Variants in ATF7IP2 observed in about 807,000 individuals in gnomAD.
ATF7IP2 encodes activating transcription factor 7 interacting protein 2, also known as activating transcription factor 7-interacting protein 2.
ATF7IP2 carries 42 observed loss-of-function variants against 64.2 expected under a neutral mutation model. That is an observed-to-expected ratio of 0.65 (90% CI 0.51 to 0.85). The LOEUF (loss-of-function observed/expected upper bound fraction) is 0.85, where lower values mean the gene tolerates loss of function less well. ATF7IP2 is among the 40% of genes least tolerant of loss of function. The pLI is 0.00. For synonymous variants in ATF7IP2, 308 were observed against 272.8 expected (o/e 1.13, Z -1.27); for missense variants, 933 against 784.2 (o/e 1.19, Z -2.27).
chr16:10,458,570 G>T (rs1352161692), intron 9 of ATF7IP2, among the ~76,000 whole-genome samples: 1 of 152,140 alleles, frequency 6.6e-6, no homozygotes, highest in Non-Finnish European at 1.5e-5. Context: ...TGTGCGGATA[G>T]GTGTAACAAA....
chr16:10,462,646 A>G (rs186792308), intron 9 of ATF7IP2, among the ~76,000 whole-genome samples: 68 of 152,194 alleles, frequency 4.5e-4, no homozygotes, highest in Admixed American at 1.4e-3. Flanking sequence ...ATATACTATA[A>G]GATGTTAGGT....
intron 3 of ATF7IP2, among the ~76,000 whole-genome samples, chr16:10,427,206 C>T (rs986258992): frequency 6.6e-6 from 1 of 152,142 alleles, no homozygotes; most frequent in Non-Finnish European, 1.5e-5. Context: ...AGAGGAAAGA[C>T]ACCCCAAGAA....
rs140459444 is a variant in ATF7IP2, at chr16:10,414,627, TTGTGTGTGTGTGTGTG to T, written c.-203+35_-203+50del. On this transcript the variant is annotated intron_variant, in intron 2 of 13. Coordinates refer to ENST00000562102, the MANE Select transcript of ATF7IP2 (RefSeq NM_001393719.1). ...ATCCACTGCTGGTGAGCTAGTGTGA[TTGTGTGTGTGTGTGTG>T]TGTGTGTGTGTGTGTGTGTTTGGGC... The T allele has an allele frequency of 4.2e-5, 4 of 94,782 alleles. No homozygotes were observed. The highest frequency in any genetic ancestry group is 1.0e-4 in the African/African-American group (2 of 19,226). 5.9% of individuals were successfully genotyped at this position (94,782 alleles called of 1,614,324 possible). A position where few individuals can be genotyped will look rare whatever the true frequency, so the allele number is the denominator to read the frequency against.
At chr16:10,430,584 A>C (rs1173409147) in intron 4 of ATF7IP2, 27 bp from the exon 5 acceptor site, 2 of 1,440,358 alleles carry the variant, frequency 1.4e-6, no homozygotes, top group African/African-American at 2.9e-5. Context: ...AGAGAAATGC[A>C]TTTAAATATG....
intron 1 of ATF7IP2, among the ~76,000 whole-genome samples, chr16:10,390,314 T>G (rs1026704746): frequency 2.6e-5 from 4 of 152,172 alleles, no homozygotes; most frequent in African/African-American, 7.2e-5. Context: ...ACAGGAAATA[T>G]GTTATTGCTT....
At chr16:10,434,333 C>T (rs1272735882) in intron 6 of ATF7IP2, among the ~76,000 whole-genome samples, 1 of 152,084 alleles carries the variant, frequency 6.6e-6, no homozygotes, top group Non-Finnish European at 1.5e-5. Context: ...CCATGTTTTC[C>T]TATTTCACTA....
chr16:10,421,954 A>G (rs535419965), intron 3 of ATF7IP2, among the ~76,000 whole-genome samples: 1 of 152,354 alleles, frequency 6.6e-6, no homozygotes, highest in Non-Finnish European at 1.5e-5. Context: ...ATCTATGACT[A>G]TTAAAGGCCA....
rs749296875 is a variant in ATF7IP2 at position 10,438,109 on chromosome 16, T to G, written c.969T>G (p.His323Gln). 1.1e-5 allele frequency: 17 copies of G among 1,545,886 alleles called. No homozygotes were observed. Among genetic ancestry groups the G allele is most frequent in the Admixed American group, 2.2e-5 (1 of 46,370 alleles). The change falls in exon 7 of 14, where the codon CAT becomes CAG. Residue 323 changes from histidine (H) to glutamine (Q), a missense_variant. Coordinates refer to ENST00000562102, the MANE Select transcript of ATF7IP2 (RefSeq NM_001393719.1). ...TTATTTTAAAATTCTAGGTCAGACA[T>G]TTGATTCAGCAGGAGATCTATAGCA... ...RQTAFLEQVR[H>Q]LIQQEIYSIN...
chr16:10,396,964 G>A (rs1008226797), intron 1 of ATF7IP2, among the ~76,000 whole-genome samples: 15 of 152,148 alleles, frequency 9.9e-5, no homozygotes, highest in Non-Finnish European at 2.1e-4. Context: ...ACCACGCCCA[G>A]CCTACATTTA....
chr16:10,425,160 G>A (rs1223443769), intron 3 of ATF7IP2, among the ~76,000 whole-genome samples: 2 of 149,562 alleles, frequency 1.3e-5, no homozygotes, highest in Admixed American at 6.8e-5. Flanking sequence ...CCGGGTTCAA[G>A]CGATTATCCC....
Position 10,443,435 on chromosome 16 carries a change from G to A in ATF7IP2, c.1194+2973G>A, listed in dbSNP as rs573370042. Among the ~76,000 whole-genome samples, 6 of 152,244 alleles carry A rather than the reference G, an allele frequency of 3.9e-5. No individual in the cohort carries two copies. The East Asian group carries it at 7.7e-4, about 20-fold the overall frequency. ...GCTACCATACAGTCCACACCCAGTC[G>A]ATTTGAAGGCCATGCAAGTAGAAAG... On this transcript the variant is annotated intron_variant, in intron 8 of 13. Transcript: ENST00000562102.
At chr16:10,461,988 T>C (rs1282764826) in intron 9 of ATF7IP2, among the ~76,000 whole-genome samples, 10 of 152,138 alleles carry the variant, frequency 6.6e-5, no homozygotes, top group Admixed American at 5.9e-4. Flanking sequence ...TTTCCTCATA[T>C]GTATCTGTCT....
rs771413152 is a variant in ATF7IP2, at chr16:10,440,468, T to C, written c.1194+6T>C. On this transcript the variant is annotated splice_donor_region_variant and intron_variant, in intron 8 of 13. Coordinates refer to ENST00000562102, the MANE Select transcript of ATF7IP2 (RefSeq NM_001393719.1). Reference sequence around the variant, plus strand: ...CCAGTAATGGAGCCTCTAAGGTTTGTATAAACACACAGGAATTGTAATCAT... The same window carrying C: ...CCAGTAATGGAGCCTCTAAGGTTTGCATAAACACACAGGAATTGTAATCAT... 4.9e-6 allele frequency: 7 copies of C among 1,422,126 alleles called. No individual in the cohort carries two copies. The highest frequency in any genetic ancestry group is 6.7e-6 in the Non-Finnish European group (7 of 1,042,118). The allele number at this position is 1,422,126 out of a possible 1,614,324, so 88.1% of individuals were successfully genotyped here.
intron 1 of ATF7IP2, among the ~76,000 whole-genome samples, chr16:10,410,556 C>T (rs571744342): frequency 7.9e-5 from 12 of 152,266 alleles, no homozygotes; most frequent in African/African-American, 2.4e-4. Flanking sequence ...TCTAGGTATA[C>T]AGTCACATCA....
At chr16:10,442,448 T>C (rs2048660244) in intron 8 of ATF7IP2, among the ~76,000 whole-genome samples, 1 of 152,218 alleles carries the variant, frequency 6.6e-6, no homozygotes, top group Non-Finnish European at 1.5e-5. Flanking sequence ...TATTGTTTTA[T>C]TGAACTAGTC....
At chr16:10,473,892 A>T (rs2049901747) in intron 11 of ATF7IP2, 31 bp from the exon 12 acceptor site, 2 of 941,886 alleles carry the variant, frequency 2.1e-6, no homozygotes, top group African/African-American at 3.4e-5. Context: ...ATTGAGGCAA[A>T]GCTTTTTTTT....
At chr16:10,455,150 G>T (rs997307461) in intron 8 of ATF7IP2, among the ~76,000 whole-genome samples, 26 of 152,288 alleles carry the variant, frequency 1.7e-4, no homozygotes, top group Non-Finnish European at 1.6e-4. Context: ...CTAATTCCCA[G>T]AACTTGTGAA....
At chr16:10,423,284 C>T (rs2048022464) in intron 3 of ATF7IP2, among the ~76,000 whole-genome samples, 1 of 152,126 alleles carries the variant, frequency 6.6e-6, no homozygotes, top group Non-Finnish European at 1.5e-5. Context: ...ACTAGACCTA[C>T]CTAGAAGTAA....
intron 1 of ATF7IP2, among the ~76,000 whole-genome samples, chr16:10,399,846 G>C (rs1050499100): frequency 6.6e-6 from 1 of 152,102 alleles, no homozygotes; most frequent in Admixed American, 6.6e-5. Flanking sequence ...ATTTGTGTCA[G>C]CTACAATTTC....
Sources: allele counts gnomAD v4.1 joint callset (sites outside exome capture counted in the v4.1 genomes callset), GRCh38; gene constraint gnomAD v4.1.1; transcripts MANE v1.5; gene names NCBI Gene and HGNC (gene_info 2026-07-23, HGNC 2026-07-21).